TOGARAM1: variants seen among roughly 807,000 people sequenced by gnomAD.
The protein encoded by TOGARAM1 is TOG array regulator of axonemal microtubules protein 1.
Under a neutral mutation model 166.6 loss-of-function variants are expected in TOGARAM1, and 100 were observed. The ratio of observed to expected loss-of-function variants is 0.60; its 90% confidence interval spans 0.51 to 0.71. The LOEUF is 0.71. Among genes scored for constraint, TOGARAM1 ranks in the 30% least tolerant of loss-of-function variants. The pLI is 0.00. For missense variants in TOGARAM1, 2,029 were observed against 2,102.7 expected, an observed-to-expected ratio of 0.96 and a Z score of 0.69; for synonymous variants, 758 against 763.8, an observed-to-expected ratio of 0.99 and a Z score of 0.13.
intron 11 of TOGARAM1, among the ~76,000 whole-genome samples, chr14:45,038,052 G>A (rs1881526044): frequency 1.3e-5 from 2 of 152,012 alleles, no homozygotes; most frequent in African/African-American, 2.4e-5. Context: ...TAAAGATGTA[G>A]AAGACTTGGA....
In TOGARAM1 at chr14:45,044,627, T is replaced by G. The variant is rs761569654; in HGVS notation, c.3919-8T>G. The G allele has an allele frequency of 1.8e-5, 28 of 1,571,508 alleles. No homozygotes were observed. Among genetic ancestry groups the G allele is most frequent in the Non-Finnish European group, 2.4e-5 (28 of 1,158,414 alleles). Reference sequence around the variant, plus strand: ...TCAGCAAAATGTACATTTTGAATTTTTTTTTAGGTGAAAAATTTACGTTCT... The same window carrying G: ...TCAGCAAAATGTACATTTTGAATTTGTTTTTAGGTGAAAAATTTACGTTCT... On this transcript the variant is annotated splice_polypyrimidine_tract_variant and splice_region_variant and intron_variant, in intron 12 of 19. Coordinates refer to ENST00000361462, the MANE Select transcript of TOGARAM1 (RefSeq NM_001308120.2).
At chr14:44,982,449 C>T (rs1225278482) in intron 1 of TOGARAM1, among the ~76,000 whole-genome samples, 2 of 152,086 alleles carry the variant, frequency 1.3e-5, no homozygotes, top group East Asian at 3.8e-4. Context: ...TTTATTTTTC[C>T]TAACAGATTT....
intron 1 of TOGARAM1, among the ~76,000 whole-genome samples, chr14:44,983,438 A>G (rs1452811939): frequency 1.3e-5 from 2 of 152,200 alleles, no homozygotes; most frequent in African/African-American, 2.4e-5. Context: ...TTGCCTTAGG[A>G]TCTTGTTAAA....
At chr14:44,977,896 C>T (rs569264725) in intron 1 of TOGARAM1, among the ~76,000 whole-genome samples, 23 of 152,270 alleles carry the variant, frequency 1.5e-4, no homozygotes, top group African/African-American at 5.1e-4. Context: ...GCAATCCTCC[C>T]TCCACTGCCT....
intron 7 of TOGARAM1, among the ~76,000 whole-genome samples, chr14:45,015,570 G>A (rs1332197738): frequency 1.3e-5 from 2 of 150,632 alleles, no homozygotes; most frequent in African/African-American, 2.4e-5. Context: ...ACCTACATTA[G>A]GGTTTTGCTT....
intron 1 of TOGARAM1, among the ~76,000 whole-genome samples, chr14:44,979,156 T>A (rs1474592751): frequency 1.3e-5 from 2 of 151,624 alleles, no homozygotes; most frequent in Admixed American, 6.6e-5. Context: ...CTAATTTGCT[T>A]ACCTATAAGT....
At chr14:45,044,932 T>C in intron 13 of TOGARAM1, 62 bp downstream of exon 13, 6 of 1,254,982 alleles carry the variant, frequency 4.8e-6, no homozygotes, top group Non-Finnish European at 6.6e-6. Flanking sequence ...CAATCGGGAC[T>C]GTAGAAAAGA....
chr14:45,064,364 C>T, intron 16 of TOGARAM1, among the ~76,000 whole-genome samples: 1 of 152,048 alleles, frequency 6.6e-6, no homozygotes, highest in East Asian at 1.9e-4. Flanking sequence ...CTCCTGGGCT[C>T]AAGTAATCCT....
At chr14:45,073,103 G>A (rs963223592) in intron 19 of TOGARAM1, among the ~76,000 whole-genome samples, 193 bp from the exon 20 acceptor site, 9 of 152,236 alleles carry the variant, frequency 5.9e-5, no homozygotes, top group African/African-American at 2.2e-4. Flanking sequence ...TTCTATATGG[G>A]ATTCTAATAC....
At chr14:45,037,268 C>G (rs964032068) in intron 11 of TOGARAM1, among the ~76,000 whole-genome samples, 2 of 152,208 alleles carry the variant, frequency 1.3e-5, no homozygotes, top group East Asian at 1.9e-4. Context: ...TGCTGGTTAT[C>G]TCTTTTAAGG....
rs748167047 is a variant in TOGARAM1 at position 44,999,350 on chromosome 14, C to T, written c.2204-13C>T. ...TTTTGCTTTTATGTTTTCTCCCTTC[C>T]TTTCTTCAAAAGGTACTACTGGGAC... On this transcript the variant is annotated splice_polypyrimidine_tract_variant and intron_variant, in intron 2 of 19. Coordinates refer to ENST00000361462, the MANE Select transcript of TOGARAM1 (RefSeq NM_001308120.2). 2 of 1,530,330 alleles carry T rather than the reference C, an allele frequency of 1.3e-6. No individual in the cohort carries two copies. Among genetic ancestry groups the T allele is most frequent in the South Asian group, 2.6e-5 (2 of 76,436 alleles). 94.8% of individuals were successfully genotyped at this position (1,530,330 alleles called of 1,614,324 possible).
chr14:45,028,129 A>G (rs977874444), intron 9 of TOGARAM1, 47 bp from the exon 10 acceptor site: 3 of 1,494,250 alleles, frequency 2.0e-6, no homozygotes, highest in Admixed American at 2.3e-5. Flanking sequence ...GATATTTTAA[A>G]TATCAAAGTC....
intron 1 of TOGARAM1, among the ~76,000 whole-genome samples, chr14:44,976,635 TA>T (rs201299653): frequency 6.3e-5 from 9 of 141,964 alleles, no homozygotes; most frequent in East Asian, 2.1e-4. Flanking sequence ...CCTTTACCTT[TA>T]AAAAAAAACT....
In TOGARAM1 at chr14:45,004,274, G is replaced by A; in HGVS notation, c.2552G>A (p.Trp851Ter). The change falls in exon 4 of 20, where the codon TGG becomes TAG. Residue 851 changes from tryptophan (W) to a stop codon, truncating the protein, a stop_gained. Transcript: ENST00000361462. LOFTEE classifies it high-confidence loss of function. ...AATTCTGTTAATTTCTCAAATTCCT[G>A]GCCTCTTAAAAGCTTCGAAGGACTA... is the stretch of plus-strand genomic sequence containing the variant. ...QDNSVNFSNSWPLKSFEGLSK... is the reference protein window; with the variant it reads ...QDNSVNFSNS 1 of 1,613,992 alleles carries A rather than the reference G, an allele frequency of 6.2e-7. No homozygotes were observed. The highest frequency in any genetic ancestry group is 8.5e-7 in the Non-Finnish European group (1 of 1,179,976).
chr14:45,006,395 A>G (rs1325951642), intron 5 of TOGARAM1, 128 bp downstream of exon 5: 2 of 662,396 alleles, frequency 3.0e-6, no homozygotes, highest in East Asian at 2.8e-5. Context: ...TTCATTATAG[A>G]AAATGTGGAA....
chr14:45,018,097 T>C (rs1053197553), intron 7 of TOGARAM1, among the ~76,000 whole-genome samples: 2 of 152,166 alleles, frequency 1.3e-5, no homozygotes, highest in Non-Finnish European at 2.9e-5. Flanking sequence ...TTGCCATTTT[T>C]AACTGCATAC....
intron 7 of TOGARAM1, among the ~76,000 whole-genome samples, chr14:45,016,724 G>A (rs1209849837): frequency 6.6e-6 from 1 of 152,074 alleles, no homozygotes; most frequent in Non-Finnish European, 1.5e-5. Flanking sequence ...CCTATTTTAT[G>A]AAATGTTGTA....
intron 16 of TOGARAM1, among the ~76,000 whole-genome samples, chr14:45,060,323 C>T (rs1269493398): frequency 6.7e-6 from 1 of 149,962 alleles, no homozygotes; most frequent in East Asian, 2.0e-4. Context: ...TCCAGTGATT[C>T]TCCTGCCTTG....
intron 1 of TOGARAM1, among the ~76,000 whole-genome samples, chr14:44,970,221 G>C (rs1054651599): frequency 3.9e-5 from 6 of 152,050 alleles, no homozygotes; most frequent in Admixed American, 6.6e-5. Flanking sequence ...TCTTGCATTG[G>C]AGTTCTATAC....
Sources: gnomAD v4.1 joint callset for allele counts (sites outside exome capture counted in the v4.1 genomes callset) on GRCh38, gnomAD v4.1.1 for gene constraint, MANE v1.5 for transcripts, NCBI Gene and HGNC (gene_info 2026-07-23, HGNC 2026-07-21) for gene names.